The following STPG2 variants were observed in gnomAD, a reference collection of about 807,000 sequenced individuals.
STPG2 encodes the protein sperm-tail PG-rich repeat-containing protein 2.
A neutral mutation model predicts 54.2 loss-of-function variants in STPG2; 56 were observed. The ratio of observed to expected loss-of-function variants is 1.03; its 90% CI spans 0.83 to 1.29. The LOEUF is 1.29. STPG2 is among the 50% of genes most tolerant of loss of function. The pLI is 0.00. For missense variants in STPG2, 596 were observed against 544.9 expected, an observed-to-expected ratio of 1.09 and a Z score of -0.93; for synonymous variants, 200 against 181.8, an observed-to-expected ratio of 1.10 and a Z score of -0.81.
At chr4:97,610,681 A>C (rs1184772048) in intron 10 of STPG2, among the ~76,000 whole-genome samples, 1 of 152,062 alleles carries the variant, frequency 6.6e-6, no homozygotes, top group Admixed American at 6.6e-5. Context: ...AGTAATGACT[A>C]AGTAGCAGAG....
chr4:97,583,334 G>C (rs189234217), intron 10 of STPG2, among the ~76,000 whole-genome samples: 1 of 152,082 alleles, frequency 6.6e-6, no homozygotes. Flanking sequence ...CAGTTAACTA[G>C]CAGGCCCTTT....
chr4:97,657,292 T>G lies in STPG2; in HGVS notation c.1320+55407A>C, dbSNP rs146993071. 3.5e-3 allele frequency among the ~76,000 whole-genome samples: 530 copies of G among 152,292 alleles called. 4 individuals are homozygous for G. Among genetic ancestry groups the G allele is most frequent in the Non-Finnish European group, 2.8e-3 (188 of 68,000 alleles). On this transcript the variant is annotated intron_variant, in intron 10 of 10. Transcript: ENST00000295268. ...ATGTATATCTTTATTTTATTACTCA[T>G]GCAAATACTACTGGCCAATCATCAT...
intron 9 of STPG2, among the ~76,000 whole-genome samples, chr4:97,748,879 G>A (rs568282611): frequency 1.3e-5 from 2 of 151,702 alleles, no homozygotes; most frequent in East Asian, 3.9e-4. Context: ...TTGTTTTGCA[G>A]TCTTTAGAGT....
chr4:97,649,523 T>C (rs573969919), intron 10 of STPG2, among the ~76,000 whole-genome samples: 45 of 152,250 alleles, frequency 3.0e-4, no homozygotes, highest in African/African-American at 8.4e-4. Context: ...AAGATTAATC[T>C]CTAGCCAGTA....
intron 4 of STPG2, among the ~76,000 whole-genome samples, chr4:97,512,282 T>C (rs1026564009): frequency 1.2e-4 from 18 of 152,056 alleles, no homozygotes; most frequent in African/African-American, 4.3e-4. Context: ...ATTAAAGAAC[T>C]ACCAGGACTA....
rs574184280 is a variant in STPG2 at position 97,934,379 on chromosome 4, C to A, written c.1044+9518G>T. 2.0e-5 allele frequency among the ~76,000 whole-genome samples: 3 copies of A among 152,222 alleles called. No homozygotes were observed. In the South Asian group the frequency reaches 6.2e-4, roughly 32 times the overall value. ...CCTTCTCTTACCTGATTGCCTTGGC[C>A]AGAACTTCAAATACTATGTTGAAAA... is the stretch of plus-strand genomic sequence containing the variant. On this transcript the variant is annotated intron_variant, in intron 8 of 10. Coordinates refer to ENST00000295268, the MANE Select transcript of STPG2 (RefSeq NM_174952.3).
At chr4:97,471,074 C>T (rs1156440029) in intron 4 of STPG2, among the ~76,000 whole-genome samples, 1 of 152,116 alleles carries the variant, frequency 6.6e-6, no homozygotes, top group Non-Finnish European at 1.5e-5. Context: ...AAAGGGATGA[C>T]TGACATCCTG....
chr4:97,456,667 G>A (rs533434566), intron 4 of STPG2, among the ~76,000 whole-genome samples: 20 of 152,048 alleles, frequency 1.3e-4, no homozygotes, highest in South Asian at 4.1e-4. Flanking sequence ...AGGCTGAGGC[G>A]GGTGGATCAC....
chr4:98,009,558 G>A (rs1735678988), intron 5 of STPG2, among the ~76,000 whole-genome samples: 1 of 152,044 alleles, frequency 6.6e-6, no homozygotes, highest in African/African-American at 2.4e-5. Flanking sequence ...GTCTGCTGCT[G>A]TTGAACGGAA....
chr4:97,954,944 A>G (rs1733616964), intron 7 of STPG2, among the ~76,000 whole-genome samples: 1 of 152,196 alleles, frequency 6.6e-6, no homozygotes. Context: ...CTTTTTTAAA[A>G]CTATGATTAA....
intron 10 of STPG2, among the ~76,000 whole-genome samples, chr4:97,657,906 T>C (rs1722259982): frequency 6.6e-6 from 1 of 152,234 alleles, no homozygotes; most frequent in African/African-American, 2.4e-5. Flanking sequence ...GTTTTCACTT[T>C]GTAGAGGTAC....
chr4:97,589,529 T>G (rs1733084985), intron 10 of STPG2, among the ~76,000 whole-genome samples: 2 of 152,172 alleles, frequency 1.3e-5, no homozygotes, highest in Non-Finnish European at 2.9e-5. Flanking sequence ...TACTTAACCA[T>G]ACGACAATTT....
At chr4:98,045,966 C>T (rs956391466) in intron 5 of STPG2, among the ~76,000 whole-genome samples, 2 of 152,008 alleles carry the variant, frequency 1.3e-5, no homozygotes, top group African/African-American at 4.8e-5. Flanking sequence ...TCTCTTCTCT[C>T]CTTCTTTAAT....
At chr4:97,670,046 T>C (rs1255827493) in intron 10 of STPG2, among the ~76,000 whole-genome samples, 1 of 152,066 alleles carries the variant, frequency 6.6e-6, no homozygotes. Flanking sequence ...AAAGGTATCC[T>C]TTTTTAAAAA....
chr4:97,753,554 C>T (rs886725637), intron 9 of STPG2, among the ~76,000 whole-genome samples: 2 of 152,004 alleles, frequency 1.3e-5, no homozygotes, highest in Non-Finnish European at 2.9e-5. Context: ...TGAGCTCCTG[C>T]TTTCAATTTT....
At chr4:97,844,708 T>G (rs112034073) in intron 8 of STPG2, among the ~76,000 whole-genome samples, 71 of 151,972 alleles carry the variant, frequency 4.7e-4, no homozygotes, top group African/African-American at 9.9e-4. Context: ...GATATAGTGG[T>G]TTTTTTTATT....
chr4:97,750,806 G>A (rs1231625741), intron 9 of STPG2, among the ~76,000 whole-genome samples: 1 of 151,584 alleles, frequency 6.6e-6, no homozygotes, highest in South Asian at 2.1e-4. Flanking sequence ...CTTGAAGCAG[G>A]CAACACTTCA....
chr4:97,776,688 C>T (rs1726388066), intron 9 of STPG2, among the ~76,000 whole-genome samples: 1 of 152,128 alleles, frequency 6.6e-6, no homozygotes, highest in Admixed American at 6.5e-5. Context: ...GACAGAAGGA[C>T]ATTGCCTATA....
intron 8 of STPG2, among the ~76,000 whole-genome samples, chr4:97,860,112 C>T (rs1222050819): frequency 6.6e-6 from 1 of 152,204 alleles, no homozygotes; most frequent in Admixed American, 6.5e-5. Flanking sequence ...CAGTAGCATG[C>T]TGTCTTGTTA....
Sources: allele counts gnomAD v4.1 joint callset (sites outside exome capture counted in the v4.1 genomes callset), GRCh38; gene constraint gnomAD v4.1.1; transcripts MANE v1.5; gene names NCBI Gene and HGNC (gene_info 2026-07-23, HGNC 2026-07-21).